The following MYCBPAP variants were observed in gnomAD, a reference collection of about 807,000 sequenced individuals.
The protein encoded by MYCBPAP is MYCBP-associated protein.
MYCBPAP carries 60 observed loss-of-function variants against 106.1 expected under a neutral mutation model. That is an observed-to-expected ratio of 0.57 (90% CI 0.46 to 0.70). The LOEUF (loss-of-function observed/expected upper bound fraction) is 0.70. Ranked by LOEUF, MYCBPAP falls within the 30% of genes least tolerant of loss-of-function variation. MYCBPAP has a pLI of 0.00. For synonymous variants in MYCBPAP, 407 were observed against 440.6 expected, an observed-to-expected ratio of 0.92 and a Z score of 0.95; for missense variants, 1,064 against 1,169.3, an observed-to-expected ratio of 0.91 and a Z score of 1.31.
chr17:50,508,550 G>A lies in MYCBPAP; in HGVS notation c.-125G>A, dbSNP rs190962863. ...TCCGCCCAAGTTGATCGGTGGATGC[G>A]CGCCCCCGCGCGGGGCACCGGTTGC... On this transcript the variant is annotated 5_prime_UTR_variant, in exon 1 of 19. Coordinates refer to ENST00000323776, the MANE Select transcript of MYCBPAP (RefSeq NM_032133.6). 4.1e-4 allele frequency: 631 copies of A among 1,542,844 alleles called. 2 individuals carry two copies. In the African/African-American group the frequency reaches 7.9e-3, roughly 19 times the overall value.
chr17:50,513,341 C>T (rs1186634934), intron 1 of MYCBPAP, among the ~76,000 whole-genome samples: 2 of 151,216 alleles, frequency 1.3e-5, no homozygotes, highest in Middle Eastern at 3.4e-3. Flanking sequence ...GAGCTGAGAT[C>T]ACACCACTGC....
intron 10 of MYCBPAP, 32 bp from the exon 11 acceptor site, chr17:50,522,907 G>A: frequency 6.3e-7 from 1 of 1,595,392 alleles, no homozygotes; most frequent in Non-Finnish European, 8.6e-7. Flanking sequence ...AGGGTTTGCA[G>A]CAAAGACATT....
intron 18 of MYCBPAP, among the ~76,000 whole-genome samples, chr17:50,531,017 T>C (rs1350190477): frequency 6.6e-6 from 1 of 151,882 alleles, no homozygotes; most frequent in Non-Finnish European, 1.5e-5. Context: ...CCAGGTCTGG[T>C]GGTGCACGCC....
chr17:50,518,744 C>T lies in MYCBPAP; in HGVS notation c.652+20C>T. ...TCAGCGGTGAGCAGAGCAGACAGGG[C>T]TCCCGCCCGGCCTCCATCTGGCAGC... On this transcript the variant is annotated intron_variant, in intron 5 of 18. Transcript: ENST00000323776. 2 of 1,556,242 alleles carry T rather than the reference C, an allele frequency of 1.3e-6. No individual in the cohort carries two copies. The highest frequency in any genetic ancestry group is 2.5e-5 in the South Asian group (2 of 81,546).
At chr17:50,522,709 A>AAAAAAAAAAAAAAATATAGATATATAT in intron 10 of MYCBPAP, 1 of 50,016 alleles carries the variant, frequency 2.0e-5, no homozygotes, top group African/African-American at 1.2e-4. Context: ...AAAAAAAAAA[A>AAAAAAAAAAAAAAATATAGATATATAT]ATATATATAT....
In MYCBPAP at chr17:50,526,013, T is replaced by C. The variant is rs2034445976; in HGVS notation, c.1915T>C (p.Ser639Pro). The change falls in exon 14 of 19, where the codon TCT becomes CCT. Residue 639 changes from serine to proline, a missense_variant. Coordinates refer to ENST00000323776, the MANE Select transcript of MYCBPAP (RefSeq NM_032133.6). ...HVSPIATEKA[S>P]VNAELLPRFR... Reference sequence around the variant, plus strand: ...CAGCCCCATAGCCACAGAGAAGGCCTCTGTGAATGCTGAGCTGTTACCACG... The same window carrying C: ...CAGCCCCATAGCCACAGAGAAGGCCCCTGTGAATGCTGAGCTGTTACCACG... 3 of 1,613,744 alleles carry C rather than the reference T, an allele frequency of 1.9e-6. No individual in the cohort carries two copies. The South Asian group carries it at 3.3e-5, about 18-fold the overall frequency.
upstream of MYCBPAP, among the ~76,000 whole-genome samples, chr17:50,508,109 C>T (rs2033680271): frequency 6.7e-6 from 1 of 149,986 alleles, no homozygotes; most frequent in African/African-American, 2.5e-5. Flanking sequence ...CGGTACGCCA[C>T]GAAGGGGTTT....
At chr17:50,518,912 C>A in intron 5 of MYCBPAP, 62 bp from the exon 6 acceptor site, 1 of 1,526,436 alleles carries the variant, frequency 6.6e-7, no homozygotes, top group Non-Finnish European at 9.1e-7. Context: ...CCGATGCAGA[C>A]TGCCAAGGCC....
chr17:50,515,255 C>A lies in MYCBPAP; in HGVS notation c.77-1315C>A, dbSNP rs913551833. On this transcript the variant is annotated intron_variant, in intron 1 of 18. Transcript: ENST00000323776. ...CGACTCAGGGCTGGTTGTTCCCCCC[C>A]ACCATGTTCCTGTAGTTACTCTGGC... Among the ~76,000 whole-genome samples the A allele has an allele frequency of 7.9e-5, 12 of 152,168 alleles. No homozygotes were observed. The South Asian group carries it at 1.7e-3, about 21-fold the overall frequency.
chr17:50,517,808 G>C, intron 4 of MYCBPAP, 110 bp downstream of exon 4: 1 of 894,120 alleles, frequency 1.1e-6, no homozygotes, highest in Admixed American at 2.1e-5. Context: ...TAGTCTGTAG[G>C]TTTTGAGTCT....
chr17:50,529,313 C>A, intron 18 of MYCBPAP, 125 bp downstream of exon 18: 1 of 880,206 alleles, frequency 1.1e-6, no homozygotes, highest in Non-Finnish European at 1.7e-6. Context: ...GAAGGGCATC[C>A]TCGTGTGTGA....
At chr17:50,513,186 C>G (rs1398842933) in intron 1 of MYCBPAP, among the ~76,000 whole-genome samples, 1 of 134,564 alleles carries the variant, frequency 7.4e-6, no homozygotes, top group East Asian at 2.1e-4. Context: ...CCATTATACT[C>G]TAGCCTGGGC....
In MYCBPAP at chr17:50,518,614, C is replaced by G. The variant is rs761965698; in HGVS notation, c.542C>G (p.Ala181Gly). Residue 181 changes from alanine to glycine, a missense_variant, in exon 5 of 19, where the codon GCC becomes GGC. Transcript: ENST00000323776. Reference sequence around the variant, plus strand: ...GCTGAAGGAGAGTCAAAGCAAAAAGCCCCAAAAGAAGAGAAGAGACCTCCC... The same window carrying G: ...GCTGAAGGAGAGTCAAAGCAAAAAGGCCCAAAAGAAGAGAAGAGACCTCCC... The part of the protein sequence containing the change: ...ISAEGESKQK[A>G]PKEEKRPPWA... 1 of 1,610,124 alleles carries G rather than the reference C, an allele frequency of 6.2e-7. No individual in the cohort carries two copies. Among genetic ancestry groups the G allele is most frequent in the South Asian group, 1.1e-5 (1 of 90,570 alleles).
intron 3 of MYCBPAP, 53 bp from the exon 4 acceptor site, chr17:50,517,542 T>A: frequency 6.2e-7 from 1 of 1,613,606 alleles, no homozygotes; most frequent in Non-Finnish European, 8.5e-7. Context: ...AGTTGCCCTC[T>A]TGAAAGTTGT....
intron 1 of MYCBPAP, chr17:50,510,499 G>GTGTATGTGTGTATATATATA (rs1418345705): frequency 1.3e-5 from 1 of 76,414 alleles, no homozygotes; most frequent in African/African-American, 4.6e-5. Context: ...GTGTGTGTGT[G>GTGTATGTGTGTATATATATA]TATATATATA....
rs1050505463 is a variant in MYCBPAP at position 50,514,098 on chromosome 17, A to G, written c.77-2472A>G. On this transcript the variant is annotated intron_variant, in intron 1 of 18. Coordinates refer to ENST00000323776, the MANE Select transcript of MYCBPAP (RefSeq NM_032133.6). ...AAGGATAGGTTCTCCTGTGTTGCCC[A>G]GGCTGGTTTTGAACTCCTGGCCTCA... Among the ~76,000 whole-genome samples, 4 of 152,354 alleles carry G rather than the reference A, an allele frequency of 2.6e-5. No homozygotes were observed. The East Asian group carries it at 7.7e-4, about 29-fold the overall frequency.
At position 50,517,387 on chromosome 17, in the gene MYCBPAP, A is replaced by G. The variant is rs781639636; in HGVS notation, c.299A>G (p.Lys100Arg). 2 of 1,614,182 alleles carry G rather than the reference A, an allele frequency of 1.2e-6. No homozygotes were observed. The highest frequency in any genetic ancestry group is 1.7e-6 in the Non-Finnish European group (2 of 1,180,034). Residue 100 changes from lysine (K) to arginine (R), a missense_variant, in exon 3 of 19, where the codon AAG (lysine) becomes AGG (arginine). By Grantham distance (26) the Lys-to-Arg change is conservative. Transcript: ENST00000323776. Reference protein sequence around the residue: ...RKLKPMDPRRKVCHLVARPAN... With the variant: ...RKLKPMDPRRRVCHLVARPAN... ...CTCAAACCCATGGATCCTAGGAGGA[A>G]GGTCTGCCACCTTGTAGCACGTCCT...
In MYCBPAP at chr17:50,525,009, C is replaced by T; in HGVS notation, c.1768C>T (p.His590Tyr). 4 of 1,613,162 alleles carry T rather than the reference C, an allele frequency of 2.5e-6. No individual in the cohort carries two copies. The highest frequency in any genetic ancestry group is 1.1e-5 in the South Asian group (1 of 91,044). The change falls in exon 13 of 19, where the codon CAC becomes TAC. Residue 590 changes from histidine to tyrosine, a missense_variant. Physicochemically the swap from His to Tyr is moderately conservative, Grantham distance 83 (BLOSUM62 2). Coordinates refer to ENST00000323776, the MANE Select transcript of MYCBPAP (RefSeq NM_032133.6). ...AYLTEEDLFR[H>Y]RNPPLHYEHQ... ...TCTCACCGAGGAAGACTTGTTCCGG[C>T]ACAGAAATCCTCCGGTGAGGCCCAG...
chr17:50,517,231 T>C, intron 2 of MYCBPAP, 62 bp from the exon 3 acceptor site: 1 of 1,470,602 alleles, frequency 6.8e-7, no homozygotes, highest in Non-Finnish European at 9.5e-7. Flanking sequence ...ACAGAAGAGA[T>C]GGGTGGTGCT....
Sources: allele counts gnomAD v4.1 joint callset (sites outside exome capture counted in the v4.1 genomes callset), GRCh38; gene constraint gnomAD v4.1.1; transcripts MANE v1.5; gene names NCBI Gene and HGNC (gene_info 2026-07-23, HGNC 2026-07-21).